The following JMJD1C variants were observed in gnomAD, a reference collection of about 807,000 sequenced individuals.
JMJD1C encodes jumonji domain-containing protein 1C.
JMJD1C carries 31 observed loss-of-function variants against 245.3 expected under a neutral mutation model. The ratio of observed to expected loss-of-function variants is 0.13; its 90% CI spans 0.09 to 0.17. The LOEUF (loss-of-function observed/expected upper bound fraction) is 0.17, where lower values mean the gene tolerates loss of function less well. Among genes scored for constraint, JMJD1C ranks in the 10% least tolerant of loss-of-function variants. JMJD1C has a pLI of 1.00. For missense variants in JMJD1C, 2,691 were observed against 3,000.2 expected (o/e 0.90, Z 2.41); for synonymous variants, 1,057 against 1,017.4 (o/e 1.04, Z -0.74).
At chr10:63,312,766 T>C (rs1939397497) in intron 2 of JMJD1C, among the ~76,000 whole-genome samples, 1 of 152,196 alleles carries the variant, frequency 6.6e-6, no homozygotes, top group South Asian at 2.1e-4. Context: ...TGAAAATTTT[T>C]TGCTAAATGT....
intron 2 of JMJD1C, among the ~76,000 whole-genome samples, chr10:63,325,896 A>G (rs1941437673): frequency 1.3e-5 from 2 of 152,202 alleles, no homozygotes. Flanking sequence ...CATATATTCT[A>G]TGTAGATCAA....
chr10:63,184,745 A>G lies in JMJD1C; in HGVS notation c.6831-7T>C. ...TTTTAAAAGATCTTCGTATCTGAAG[A>G]AAAACAACATTGCCTTCTTATAAAT... On this transcript the variant is annotated splice_polypyrimidine_tract_variant and splice_region_variant and intron_variant, in intron 20 of 25. Coordinates refer to ENST00000399262, the MANE Select transcript of JMJD1C (RefSeq NM_032776.3). The G allele has an allele frequency of 6.3e-7, 1 of 1,599,528 alleles. No homozygotes were observed. Among genetic ancestry groups the G allele is most frequent in the Non-Finnish European group, 8.5e-7 (1 of 1,174,692 alleles).
At chr10:63,411,863 A>G (rs1305525427) in intron 1 of JMJD1C, among the ~76,000 whole-genome samples, 1 of 151,330 alleles carries the variant, frequency 6.6e-6, no homozygotes, top group Admixed American at 6.6e-5. Context: ...TTGGCCTCCC[A>G]AAGTGCTGGG....
chr10:63,200,333 A>T, intron 11 of JMJD1C, 143 bp downstream of exon 11: 1 of 644,072 alleles, frequency 1.6e-6, no homozygotes, highest in Non-Finnish European at 2.7e-6. Flanking sequence ...GAAAACATTT[A>T]ATAACTCTTT....
intron 1 of JMJD1C, among the ~76,000 whole-genome samples, chr10:63,509,028 A>G (rs1215145664): frequency 1.3e-5 from 2 of 152,238 alleles, no homozygotes; most frequent in African/African-American, 4.8e-5. Flanking sequence ...GAAAGGTTCC[A>G]GTTTCTTAAC....
At chr10:63,193,791 C>T in intron 14 of JMJD1C, 1 of 189,736 alleles carries the variant, frequency 5.3e-6, no homozygotes, top group Non-Finnish European at 1.1e-5. Context: ...CTCAGCCTCC[C>T]AAGTAGCTGG....
chr10:63,426,049 G>A (rs538212890), intron 1 of JMJD1C, among the ~76,000 whole-genome samples: 16 of 152,038 alleles, frequency 1.1e-4, no homozygotes, highest in South Asian at 2.1e-4. Flanking sequence ...TTTATTTTTC[G>A]GTAAGATGTA....
chr10:63,207,686 C>G lies in JMJD1C; in HGVS notation c.3983G>C (p.Arg1328Pro). Residue 1328 changes from arginine to proline, a missense_variant, in exon 10 of 26, where the codon CGT (arginine) becomes CCT (proline). Physicochemically the swap from Arg to Pro is moderately radical, Grantham distance 103. Around this residue, in one of 9 missense-constraint regions of JMJD1C, gnomAD observed 1,562 missense variants for 1,490.7 expected, o/e 1.05. Coordinates refer to ENST00000399262, the MANE Select transcript of JMJD1C (RefSeq NM_032776.3). ...MPAMQLASKD[R>P]VSERSSAGAH... ...CCCAGCTGAAGATCTTTCACTAACACGATCTTTAGAAGCTAACTGCATTGC... is the reference window on the plus strand; with the variant it reads ...CCCAGCTGAAGATCTTTCACTAACAGGATCTTTAGAAGCTAACTGCATTGC... 1 of 1,614,086 alleles carries G rather than the reference C, an allele frequency of 6.2e-7. No homozygotes were observed.
At chr10:63,232,498 T>C (rs935831030) in intron 3 of JMJD1C, among the ~76,000 whole-genome samples, 6 of 152,188 alleles carry the variant, frequency 3.9e-5, no homozygotes, top group Non-Finnish European at 8.8e-5. Context: ...ACCTGCAGCT[T>C]GATCCAAGAA....
chr10:63,484,244 A>G (rs61853613), intron 1 of JMJD1C, among the ~76,000 whole-genome samples: 30 of 12,170 alleles, frequency 2.5e-3, no homozygotes, highest in African/African-American at 3.3e-3. Flanking sequence ...ATGGATAGAT[A>G]GATAGATAGA....
chr10:63,174,557 AGCATGGTGGCTCATGCCT>A (rs1842700073), intron 24 of JMJD1C, among the ~76,000 whole-genome samples: 1 of 151,750 alleles, frequency 6.6e-6, no homozygotes, highest in African/African-American at 2.4e-5. Context: ...GAGGATGCCG[AGCATGGTGGCTCATGCCT>A]GTAATCCCAG....
At chr10:63,200,405 G>T in intron 11 of JMJD1C, 71 bp downstream of exon 11, 1 of 1,176,514 alleles carries the variant, frequency 8.5e-7, no homozygotes, top group Non-Finnish European at 1.2e-6. Context: ...GGGACACTCA[G>T]AATAACACTA....
chr10:63,168,171 C>T (rs771645267), intron 25 of JMJD1C, 37 bp from the exon 26 acceptor site: 33 of 1,371,764 alleles, frequency 2.4e-5, no homozygotes, highest in African/African-American at 7.2e-5. Flanking sequence ...CACTTCAGTT[C>T]GACAGAAATT....
At chr10:63,500,067 CA>C (rs1211022211) in intron 1 of JMJD1C, among the ~76,000 whole-genome samples, 1 of 152,158 alleles carries the variant, frequency 6.6e-6, no homozygotes, top group Admixed American at 6.5e-5. Context: ...ATGTAAATAA[CA>C]AACTGAGAGG....
chr10:63,333,293 A>C (rs929519712), intron 2 of JMJD1C, among the ~76,000 whole-genome samples: 4 of 152,108 alleles, frequency 2.6e-5, no homozygotes, highest in African/African-American at 4.8e-5. Context: ...GGTGGCTCAC[A>C]CTTGTAATTC....
chr10:63,328,494 CAT>C (rs1206368748), intron 2 of JMJD1C, among the ~76,000 whole-genome samples: 4 of 152,156 alleles, frequency 2.6e-5, no homozygotes, highest in East Asian at 1.9e-4. Context: ...TATTTATAGA[CAT>C]GTGATGTTTT....
At chr10:63,284,946 C>A (rs550920393) in intron 2 of JMJD1C, among the ~76,000 whole-genome samples, 1 of 152,130 alleles carries the variant, frequency 6.6e-6, no homozygotes, top group East Asian at 1.9e-4. Context: ...ACACGCCACA[C>A]ATACACACAC....
At chr10:63,218,918 A>G (rs1039655718) in intron 4 of JMJD1C, among the ~76,000 whole-genome samples, 3 of 152,156 alleles carry the variant, frequency 2.0e-5, no homozygotes, top group African/African-American at 4.8e-5. Context: ...TTTAAATTTA[A>G]AAACAATTAC....
intron 1 of JMJD1C, among the ~76,000 whole-genome samples, chr10:63,485,852 G>A (rs1953976252): frequency 6.6e-6 from 1 of 152,088 alleles, no homozygotes. Flanking sequence ...CTTGTACAGG[G>A]ATCCAAAAGT....
Sources: gnomAD v4.1 joint callset for allele counts (sites outside exome capture counted in the v4.1 genomes callset) on GRCh38, gnomAD v4.1.1 for gene constraint, gnomAD v4.1.1 regional missense constraint, MANE v1.5 for transcripts, NCBI Gene and HGNC (gene_info 2026-07-23, HGNC 2026-07-21) for gene names.